TRAPPC12: variants seen among roughly 807,000 people sequenced by gnomAD.
TRAPPC12 encodes the protein TPR repeat protein 15.
A neutral mutation model predicts 69.2 loss-of-function variants in TRAPPC12; 61 were observed. The observed-to-expected ratio is 0.88, with a 90% CI of 0.72 to 1.09. TRAPPC12 has a LOEUF of 1.09. Among genes scored for constraint, TRAPPC12 ranks in the 50% least tolerant of loss-of-function variants. The pLI is 0.00. For missense variants in TRAPPC12, 1,101 were observed against 1,016.4 expected, an observed-to-expected ratio of 1.08 and a Z score of -1.13; for synonymous variants, 469 against 438.9, an observed-to-expected ratio of 1.07 and a Z score of -0.86.
chr2:3,456,861 G>A, intron 6 of TRAPPC12: 4 of 306,524 alleles, frequency 1.3e-5, no homozygotes, highest in Non-Finnish European at 1.9e-5. Context: ...TTACAGGCTT[G>A]AGCCACCGCT....
intron 2 of TRAPPC12, among the ~76,000 whole-genome samples, chr2:3,399,633 T>A (rs6738333): frequency 3.5e-4 from 54 of 152,158 alleles, no homozygotes; most frequent in Non-Finnish European, 6.9e-4. Flanking sequence ...TGATCTCTCC[T>A]GGTAGAAGGG....
rs1665304239 is a variant in TRAPPC12, at chr2:3,458,505, AC to A, written c.1603+813del. On this transcript the variant is annotated intron_variant, in intron 7 of 11. Transcript: ENST00000324266. ...GGAACTGCTGGCTGGTGTGAGCTGA[AC>A]GTGTGTGAGGTGTGTATGTGTGTGG... The A allele has an allele frequency of 7.3e-6, 7 of 963,698 alleles. No individual in the cohort carries two copies. In the South Asian group the frequency reaches 3.4e-4, roughly 46 times the overall value. 59.7% of individuals were successfully genotyped at this position (963,698 alleles called of 1,614,324 possible).
At chr2:3,399,826 G>A (rs544015268) in intron 2 of TRAPPC12, among the ~76,000 whole-genome samples, 15 of 109,228 alleles carry the variant, frequency 1.4e-4, no homozygotes, top group Non-Finnish European at 2.5e-4. Context: ...CCACCGCCCC[G>A]CCGCCAAAAA....
rs746774600 is a variant in TRAPPC12 at position 3,443,808 on chromosome 2, T to C, written c.1447T>C (p.Leu483=). The change falls in exon 6 of 12, where the codon TTG becomes CTG. Residue 483 remains leucine, a synonymous_variant. Transcript: ENST00000324266. The part of the protein sequence containing the change: ...GSMVPFSMRI[L]HAELQQYLGN... ...CATGGTCCCCTTCTCGATGCGCATC[T>C]TGCACGCGGAGCTTCAGCAGTACCT... 2.5e-6 allele frequency: 4 copies of C among 1,614,110 alleles called. No individual in the cohort carries two copies. The South Asian group carries it at 4.4e-5, about 18-fold the overall frequency.
chr2:3,440,082 A>G (rs1245066529), intron 5 of TRAPPC12, among the ~76,000 whole-genome samples: 11 of 152,152 alleles, frequency 7.2e-5, no homozygotes, highest in South Asian at 4.1e-4. Flanking sequence ...ACAGTCACCC[A>G]GTCTTTTTTA....
At chr2:3,463,301 A>G (rs1223471929) in intron 8 of TRAPPC12, among the ~76,000 whole-genome samples, 1 of 151,938 alleles carries the variant, frequency 6.6e-6, no homozygotes, top group Non-Finnish European at 1.5e-5. Flanking sequence ...TTCTTCCCCC[A>G]ACTGCAGCCC....
intron 6 of TRAPPC12, among the ~76,000 whole-genome samples, chr2:3,446,450 G>C (rs2103106888): frequency 1.3e-5 from 2 of 152,314 alleles, no homozygotes; most frequent in East Asian, 3.9e-4. Flanking sequence ...TGGCACAGCT[G>C]GTGGATGCCT....
At chr2:3,415,446 C>G (rs1662321410) in intron 3 of TRAPPC12, among the ~76,000 whole-genome samples, 2 of 145,636 alleles carry the variant, frequency 1.4e-5, no homozygotes, top group South Asian at 4.2e-4. Flanking sequence ...GGCTCTGTGG[C>G]CCAGGCTGGA....
At chr2:3,381,605 A>G (rs2103411733) in intron 1 of TRAPPC12, among the ~76,000 whole-genome samples, 1 of 152,250 alleles carries the variant, frequency 6.6e-6, no homozygotes, top group East Asian at 1.9e-4. Context: ...AAAGATTTCT[A>G]TCACGTACAA....
intron 3 of TRAPPC12, among the ~76,000 whole-genome samples, chr2:3,418,795 A>G (rs1173670403): frequency 6.6e-6 from 1 of 152,234 alleles, no homozygotes; most frequent in Non-Finnish European, 1.5e-5. Flanking sequence ...AGTTCACCCC[A>G]TCAGTGCAGG....
chr2:3,423,359 G>A (rs1227693862), intron 4 of TRAPPC12, among the ~76,000 whole-genome samples: 1 of 146,726 alleles, frequency 6.8e-6, no homozygotes, highest in Admixed American at 6.8e-5. Flanking sequence ...TGTGTAATGA[G>A]AACACTGAAA....
At chr2:3,479,022 C>A in intron 11 of TRAPPC12, 89 bp downstream of exon 11, 1 of 1,490,640 alleles carries the variant, frequency 6.7e-7, no homozygotes, top group Non-Finnish European at 9.2e-7. Context: ...CAGGGGCCTG[C>A]GCTCTCTCTC....
intron 9 of TRAPPC12, chr2:3,472,530 T>A (rs542868130): frequency 6.6e-6 from 1 of 152,110 alleles, no homozygotes; most frequent in Non-Finnish European, 1.5e-5. Flanking sequence ...GAGAGCGTCC[T>A]CCAGCCCCTG....
At chr2:3,454,876 C>T (rs764477645) in intron 6 of TRAPPC12, 1 of 152,388 alleles carries the variant, frequency 6.6e-6, no homozygotes, top group Non-Finnish European at 1.5e-5. Context: ...AGGGTTTTCT[C>T]CTCCACTCAG....
chr2:3,443,941 C>G (rs761148959), intron 6 of TRAPPC12, 50 bp downstream of exon 6: 1 of 1,390,542 alleles, frequency 7.2e-7, no homozygotes, highest in Non-Finnish European at 1.0e-6. Flanking sequence ...ATGCCCTCCA[C>G]GCCCTCCCCA....
intron 8 of TRAPPC12, chr2:3,460,670 C>T (rs931964495): frequency 7.4e-6 from 2 of 268,580 alleles, no homozygotes; most frequent in African/African-American, 2.2e-5. Flanking sequence ...TCCCTATCTT[C>T]GTGGAGGGTG....
intron 9 of TRAPPC12, among the ~76,000 whole-genome samples, chr2:3,468,271 C>G (rs10200914): frequency 0.03 from 4,568 of 152,026 alleles, 232 homozygotes; most frequent in African/African-American, 0.1. Context: ...GCCCTCTCAG[C>G]AAGCTCTCCC....
At chr2:3,416,657 C>T (rs1396526466) in intron 3 of TRAPPC12, among the ~76,000 whole-genome samples, 19 of 25,482 alleles carry the variant, frequency 7.5e-4, no homozygotes, top group Non-Finnish European at 9.3e-4. Context: ...CTGTGCCCTC[C>T]CCCTGCCCCT....
chr2:3,478,908 TAAGG>T lies in TRAPPC12; in HGVS notation c.1942_1945del (p.Arg648TrpfsTer49). On this transcript the variant is annotated frameshift_variant, in exon 11 of 12. Coordinates refer to ENST00000324266, the MANE Select transcript of TRAPPC12 (RefSeq NM_016030.6). LOFTEE classifies it high-confidence loss of function. ...GCCCACAGGTTCTTCACAGAGATCT[TAAGG>T]ATGGATCCAAGAAACGCAGTGGTAA... The T allele has an allele frequency of 6.2e-7, 1 of 1,614,152 alleles. No individual in the cohort carries two copies. Among genetic ancestry groups the T allele is most frequent in the Non-Finnish European group, 8.5e-7 (1 of 1,180,038 alleles).
Sources: gnomAD v4.1 joint callset for allele counts (sites outside exome capture counted in the v4.1 genomes callset) on GRCh38, gnomAD v4.1.1 for gene constraint, MANE v1.5 for transcripts, NCBI Gene and HGNC (gene_info 2026-07-23, HGNC 2026-07-21) for gene names.